The following WWP1 variants were observed in gnomAD, a reference collection of about 807,000 sequenced individuals.
WWP1 encodes NEDD4-like E3 ubiquitin-protein ligase WWP1.
In WWP1, 49 loss-of-function variants were observed where a neutral mutation model predicts 130.6. That is an observed-to-expected ratio of 0.38 (90% CI 0.30 to 0.48). The LOEUF is 0.48. Among genes scored for constraint, WWP1 ranks in the 20% least tolerant of loss-of-function variants. WWP1 has a pLI of 0.99. For missense variants in WWP1, 809 were observed against 1,100.6 expected (o/e 0.74, Z 3.75); for synonymous variants, 332 against 367.8 (o/e 0.90, Z 1.11).
In WWP1 at chr8:86,427,717, G is replaced by A. The variant is rs777697555; in HGVS notation, c.1232G>A (p.Arg411Gln). 1.3e-5 allele frequency: 21 copies of A among 1,613,840 alleles called. No homozygotes were observed. Among genetic ancestry groups the A allele is most frequent in the Non-Finnish European group, 1.7e-5 (20 of 1,179,948 alleles). The change falls in exon 11 of 25, where the codon CGG (arginine) becomes CAG (glutamine). Residue 411 changes from arginine (R) to glutamine (Q), a missense_variant. Transcript: ENST00000517970. ...AACACCAGAACAACAACGTGGCAGC[G>A]GCCTACCATGGAATCTGTCCGAAAT... ...DHNTRTTTWQRPTMESVRNFE... is the reference protein window; with the variant it reads ...DHNTRTTTWQQPTMESVRNFE...
intron 9 of WWP1, among the ~76,000 whole-genome samples, chr8:86,415,573 G>A (rs1207657126): frequency 6.6e-6 from 1 of 152,120 alleles, no homozygotes; most frequent in African/African-American, 2.4e-5. Context: ...AGTCTTGAAT[G>A]TACCATTATG....
At chr8:86,420,506 G>T (rs894137811) in intron 9 of WWP1, among the ~76,000 whole-genome samples, 3 of 152,164 alleles carry the variant, frequency 2.0e-5, no homozygotes, top group Admixed American at 1.3e-4. Flanking sequence ...TGGGAGGAGG[G>T]TAAGTGTAGA....
chr8:86,398,866 G>A lies in WWP1; in HGVS notation c.539+228G>A, dbSNP rs7844592. On this transcript the variant is annotated intron_variant, in intron 7 of 24. Transcript: ENST00000517970. ...TCACTTTTTAAAAGTATACATTTTA[G>A]TCGTTTTTAATATATTAAGAGAGTT... 1.8e-3 allele frequency among the ~76,000 whole-genome samples: 278 copies of A among 152,228 alleles called. 1 individual carries two copies. The highest frequency in any genetic ancestry group is 3.4e-3 in the Non-Finnish European group (232 of 67,994).
intron 20 of WWP1, among the ~76,000 whole-genome samples, chr8:86,449,929 A>C (rs1022960123): frequency 2.0e-5 from 3 of 152,174 alleles, no homozygotes; most frequent in African/African-American, 7.2e-5. Flanking sequence ...TATTCCTGTC[A>C]ATAGAGATCA....
intron 3 of WWP1, among the ~76,000 whole-genome samples, chr8:86,377,807 G>A (rs1824757154): frequency 6.6e-6 from 1 of 152,046 alleles, no homozygotes; most frequent in Admixed American, 6.6e-5. Flanking sequence ...AGAAAAAATG[G>A]GCTGTTGTAT....
rs1020637504 is a variant in WWP1 at position 86,466,987 on chromosome 8, A to C, written c.*94A>C. The C allele has an allele frequency of 1.2e-5, 11 of 882,404 alleles. No individual in the cohort carries two copies. Among genetic ancestry groups the C allele is most frequent in the Admixed American group, 2.8e-5 (1 of 36,164 alleles). 54.7% of individuals were successfully genotyped at this position (882,404 alleles called of 1,614,324 possible). The stretch of plus-strand genomic sequence containing the variant: ...TGTATATAAGCTGTTCATTCTGTAC[A>C]GTGAATTTTCCGAACCTCTCAAAGT... On this transcript the variant is annotated 3_prime_UTR_variant, in exon 25 of 25. Transcript: ENST00000517970.
Position 86,410,327 on chromosome 8 carries a change from T to C in WWP1, c.725-1211T>C, listed in dbSNP as rs550502853. On this transcript the variant is annotated intron_variant, in intron 8 of 24. Coordinates refer to ENST00000517970, the MANE Select transcript of WWP1 (RefSeq NM_007013.4). ...TTTAGGAGGGATGATATTAGAACTT[T>C]CATCACCTTTTCCATTGCTGCTCTG... Among the ~76,000 whole-genome samples, 4 of 152,334 alleles carry C rather than the reference T, an allele frequency of 2.6e-5. No individual in the cohort carries two copies. The South Asian group carries it at 8.3e-4, about 32-fold the overall frequency.
intron 1 of WWP1, among the ~76,000 whole-genome samples, chr8:86,365,903 A>G (rs894063337): frequency 3.3e-5 from 5 of 152,250 alleles, no homozygotes; most frequent in African/African-American, 1.2e-4. Context: ...AGAAAGGCAC[A>G]ATAAAGACAG....
intron 3 of WWP1, among the ~76,000 whole-genome samples, chr8:86,379,032 A>G (rs1824829768): frequency 6.6e-6 from 1 of 152,230 alleles, no homozygotes; most frequent in Admixed American, 6.5e-5. Flanking sequence ...AAATGAACCC[A>G]GATATGTCTA....
rs775769270 is a variant in WWP1 at position 86,380,913 on chromosome 8, T to C, written c.209+49T>C. The C allele has an allele frequency of 1.5e-5, 23 of 1,518,216 alleles. No homozygotes were observed. In the South Asian group the frequency reaches 3.1e-4, roughly 21 times the overall value. 94.0% of individuals were successfully genotyped at this position (1,518,216 alleles called of 1,614,324 possible). ...GAAAATCTTCACAAGAAAGTGTATTTTTTGGAATATGTTTTTTGTTTTGTA... is the reference window on the plus strand; with the variant it reads ...GAAAATCTTCACAAGAAAGTGTATTCTTTGGAATATGTTTTTTGTTTTGTA... On this transcript the variant is annotated intron_variant, in intron 4 of 24. Transcript: ENST00000517970.
At chr8:86,363,060 A>G (rs1047289481) in intron 1 of WWP1, among the ~76,000 whole-genome samples, 1 of 152,206 alleles carries the variant, frequency 6.6e-6, no homozygotes, top group Non-Finnish European at 1.5e-5. Context: ...GGTATCAAAA[A>G]ACAAAATTAT....
intron 5 of WWP1, among the ~76,000 whole-genome samples, chr8:86,389,793 C>T (rs1000972388): frequency 6.7e-6 from 1 of 149,302 alleles, no homozygotes; most frequent in Non-Finnish European, 1.5e-5. Flanking sequence ...GAGGCCGCCC[C>T]CCACCTCCCT....
At chr8:86,416,577 CTT>C (rs561660860) in intron 9 of WWP1, among the ~76,000 whole-genome samples, 2 of 140,380 alleles carry the variant, frequency 1.4e-5, no homozygotes, top group African/African-American at 5.2e-5. Context: ...TTCCACATTT[CTT>C]TTTTTTTTTT....
intron 8 of WWP1, among the ~76,000 whole-genome samples, chr8:86,404,007 T>C (rs1808143322): frequency 6.6e-6 from 1 of 152,224 alleles, no homozygotes; most frequent in Non-Finnish European, 1.5e-5. Context: ...AACAGACTAG[T>C]TAAAACTGCT....
rs1276075425 is a variant in WWP1 at position 86,461,243 on chromosome 8, A to G, written c.2519A>G (p.Asn840Ser). ...WFWQFVKETD[N>S]EVRMRLLQFV... The stretch of plus-strand genomic sequence containing the variant: ...TTACAGTTTGTGAAAGAGACAGACA[A>G]TGAAGTAAGAATGCGACTATTGCAG... The change falls in exon 23 of 25, where the codon AAT becomes AGT. Residue 840 changes from asparagine (N) to serine (S), a missense_variant. Asn to Ser is a conservative substitution (Grantham distance 46). Coordinates refer to ENST00000517970, the MANE Select transcript of WWP1 (RefSeq NM_007013.4). The G allele has an allele frequency of 6.2e-7, 1 of 1,614,102 alleles. No individual in the cohort carries two copies.
chr8:86,459,023 CTTTTTTT>C (rs71275853), intron 22 of WWP1, among the ~76,000 whole-genome samples: 13 of 84,252 alleles, frequency 1.5e-4, no homozygotes, highest in Admixed American at 3.4e-4. Context: ...TTTCTTTTTT[CTTTTTTT>C]TTTTTTTTTT....
At chr8:86,413,017 C>T (rs1427512607) in intron 9 of WWP1, among the ~76,000 whole-genome samples, 3 of 152,042 alleles carry the variant, frequency 2.0e-5, no homozygotes, top group South Asian at 2.1e-4. Flanking sequence ...TTAGTAGAGA[C>T]GGGGTTTTTC....
chr8:86,389,732 C>T (rs1003844183), intron 5 of WWP1, among the ~76,000 whole-genome samples: 10 of 147,792 alleles, frequency 6.8e-5, no homozygotes, highest in East Asian at 2.1e-4. Flanking sequence ...ACGGGGCGGC[C>T]GGGCAGAGGC....
chr8:86,353,516 G>A (rs888777841), intron 1 of WWP1, among the ~76,000 whole-genome samples: 2 of 151,320 alleles, frequency 1.3e-5, no homozygotes, highest in Admixed American at 6.6e-5. Context: ...CTTCTGAGAC[G>A]GAGTCTCACT....
Sources: allele counts gnomAD v4.1 joint callset (sites outside exome capture counted in the v4.1 genomes callset), GRCh38; gene constraint gnomAD v4.1.1; transcripts MANE v1.5; gene names NCBI Gene and HGNC (gene_info 2026-07-23, HGNC 2026-07-21).